The following XPR1 variants were observed in gnomAD, a reference collection of about 807,000 sequenced individuals.
The protein encoded by XPR1 is xenotropic and polytropic retrovirus receptor 1.
A neutral mutation model predicts 87.5 loss-of-function variants in XPR1; 28 were observed. The ratio of observed to expected loss-of-function variants is 0.32; its 90% CI spans 0.24 to 0.44. XPR1 has a LOEUF of 0.44. Among genes scored for constraint, XPR1 ranks in the 20% least tolerant of loss-of-function variants. XPR1 has a pLI of 1.00. For missense variants in XPR1, 559 were observed against 862.3 expected, an observed-to-expected ratio of 0.65 and a Z score of 4.41; for synonymous variants, 300 against 306.1, an observed-to-expected ratio of 0.98 and a Z score of 0.21.
chr1:180,662,879 AT>A (rs1249736734), intron 1 of XPR1, among the ~76,000 whole-genome samples: 10 of 151,044 alleles, frequency 6.6e-5, no homozygotes, highest in Admixed American at 2.0e-4. Flanking sequence ...TAAGCTCACT[AT>A]TTTTTTTGCT....
chr1:180,873,093 A>G (rs1270721897), intron 12 of XPR1, among the ~76,000 whole-genome samples: 2 of 152,148 alleles, frequency 1.3e-5, no homozygotes, highest in Non-Finnish European at 2.9e-5. Flanking sequence ...TTAAATACAT[A>G]TATTTAAAGA....
chr1:180,783,253 CAACA>C lies in XPR1; in HGVS notation c.122-4485_122-4482del, dbSNP rs986919203. On this transcript the variant is annotated intron_variant, in intron 2 of 14. Transcript: ENST00000367590. ...TAGGTGACACAGCTAGGTGCTGTCTCAACAAACAAACAAACAAAAACTCTATTCA... is the reference window on the plus strand; with the variant it reads ...TAGGTGACACAGCTAGGTGCTGTCTCAACAAACAAACAAAAACTCTATTCA... Among the ~76,000 whole-genome samples, 8 of 152,014 alleles carry C rather than the reference CAACA, an allele frequency of 5.3e-5. 1 individual carries two copies. In the South Asian group the frequency reaches 8.3e-4, roughly 16 times the overall value.
chr1:180,739,731 G>C (rs1194466003), intron 2 of XPR1, among the ~76,000 whole-genome samples: 1 of 152,052 alleles, frequency 6.6e-6, no homozygotes, highest in African/African-American at 2.4e-5. Context: ...CATTGCCAGT[G>C]TATAAAATTA....
At chr1:180,662,055 G>C (rs897292274) in intron 1 of XPR1, among the ~76,000 whole-genome samples, 2 of 152,108 alleles carry the variant, frequency 1.3e-5, no homozygotes, top group African/African-American at 4.8e-5. Flanking sequence ...AGTTGTTGTA[G>C]TTATTATTTT....
intron 11 of XPR1, among the ~76,000 whole-genome samples, chr1:180,855,193 T>C (rs1432426762): frequency 6.6e-6 from 1 of 152,080 alleles, no homozygotes. Context: ...TAGAATACAA[T>C]ATTACAGGAA....
intron 2 of XPR1, among the ~76,000 whole-genome samples, chr1:180,786,595 A>G (rs867331080): frequency 6.6e-6 from 1 of 152,166 alleles, no homozygotes; most frequent in Non-Finnish European, 1.5e-5. Flanking sequence ...TACATATGGG[A>G]TTCAGTAGGT....
chr1:180,703,387 G>A (rs1049360420), intron 2 of XPR1, among the ~76,000 whole-genome samples: 2 of 152,136 alleles, frequency 1.3e-5, no homozygotes, highest in African/African-American at 2.4e-5. Context: ...CTATCTGCAG[G>A]CCTCTGGATA....
chr1:180,745,645 A>G (rs1042680787), intron 2 of XPR1, among the ~76,000 whole-genome samples: 8 of 152,176 alleles, frequency 5.3e-5, no homozygotes, highest in African/African-American at 1.7e-4. Context: ...CTTCTCCTCA[A>G]GACAGATTTA....
At chr1:180,865,403 CTTT>C (rs756971131) in intron 12 of XPR1, among the ~76,000 whole-genome samples, 7 of 140,558 alleles carry the variant, frequency 5.0e-5, no homozygotes, top group Admixed American at 7.1e-5. Flanking sequence ...ACATTTGTTT[CTTT>C]TTTTTTTTTT....
intron 1 of XPR1, among the ~76,000 whole-genome samples, chr1:180,668,309 A>C (rs1656035627): frequency 6.6e-6 from 1 of 151,584 alleles, no homozygotes; most frequent in Non-Finnish European, 1.5e-5. Flanking sequence ...GTGGGCTTTT[A>C]GTAGAGACGG....
At chr1:180,882,598 T>G (rs1426222177) in intron 14 of XPR1, among the ~76,000 whole-genome samples, 1 of 152,134 alleles carries the variant, frequency 6.6e-6, no homozygotes, top group African/African-American at 2.4e-5. Flanking sequence ...TGAAGAAGTC[T>G]TCCCTCCTTG....
chr1:180,845,654 G>A (rs1158736439), intron 11 of XPR1, among the ~76,000 whole-genome samples: 1 of 152,150 alleles, frequency 6.6e-6, no homozygotes, highest in Non-Finnish European at 1.5e-5. Context: ...CTGAGTAGCT[G>A]GGACTACAGG....
chr1:180,740,371 T>G (rs1385365123), intron 2 of XPR1, among the ~76,000 whole-genome samples: 1 of 152,178 alleles, frequency 6.6e-6, no homozygotes, highest in Non-Finnish European at 1.5e-5. Flanking sequence ...ATTTTATTGT[T>G]GATGGACATG....
chr1:180,734,055 A>G (rs1658646380), intron 2 of XPR1, among the ~76,000 whole-genome samples: 1 of 152,244 alleles, frequency 6.6e-6, no homozygotes, highest in African/African-American at 2.4e-5. Context: ...CAGATATTTA[A>G]TAAGAAAGAG....
At chr1:180,823,400 T>G (rs943804172) in intron 7 of XPR1, among the ~76,000 whole-genome samples, 4 of 152,186 alleles carry the variant, frequency 2.6e-5, no homozygotes, top group Non-Finnish European at 4.4e-5. Context: ...TATGAACAGG[T>G]AAGGATCCAG....
At chr1:180,753,898 A>G (rs1040490229) in intron 2 of XPR1, among the ~76,000 whole-genome samples, 6 of 152,212 alleles carry the variant, frequency 3.9e-5, no homozygotes, top group African/African-American at 1.4e-4. Flanking sequence ...ACTATTTCCC[A>G]CCATTCAAAC....
Position 180,819,479 on chromosome 1 carries a change from GTTA to G in XPR1, c.764-5272_764-5270del, listed in dbSNP as rs1375225208. Among the ~76,000 whole-genome samples the G allele has an allele frequency of 9.9e-5, 15 of 152,176 alleles. No homozygotes were observed. In the East Asian group the frequency reaches 2.5e-3, roughly 25 times the overall value. ...GCCTTAGAGATTTTCTAGTTCCTAT[GTTA>G]TCAAGTAGAACTTAGGTAAATATGT... is the stretch of plus-strand genomic sequence containing the variant. On this transcript the variant is annotated intron_variant, in intron 7 of 14. Coordinates refer to ENST00000367590, the MANE Select transcript of XPR1 (RefSeq NM_004736.4).
At chr1:180,741,009 C>T (rs1430636867) in intron 2 of XPR1, among the ~76,000 whole-genome samples, 2 of 152,188 alleles carry the variant, frequency 1.3e-5, no homozygotes, top group African/African-American at 4.8e-5. Flanking sequence ...CCTCCTAATA[C>T]CATCACATTG....
At chr1:180,666,422 G>A (rs1277595480) in intron 1 of XPR1, among the ~76,000 whole-genome samples, 2 of 152,178 alleles carry the variant, frequency 1.3e-5, no homozygotes, top group Non-Finnish European at 2.9e-5. Flanking sequence ...ACACATGAAC[G>A]TAGGATGTGT....
Sources: gnomAD v4.1 joint callset for allele counts (sites outside exome capture counted in the v4.1 genomes callset) on GRCh38, gnomAD v4.1.1 for gene constraint, MANE v1.5 for transcripts, NCBI Gene and HGNC (gene_info 2026-07-23, HGNC 2026-07-21) for gene names.